Variants in ABCA1 observed in about 807,000 individuals in gnomAD.
ABCA1 encodes the protein ATP binding cassette subfamily A member 1.
In ABCA1, 133 loss-of-function variants were observed where a neutral mutation model predicts 262.5. The observed-to-expected ratio is 0.51, with a 90% CI of 0.44 to 0.59. The LOEUF (loss-of-function observed/expected upper bound fraction) is 0.59. Among genes scored for constraint, ABCA1 ranks in the 20% least tolerant of loss-of-function variants. The probability of loss-of-function intolerance (pLI) is 0.00; values close to 1 mark genes in which losing one functional copy is unlikely to be tolerated. For missense variants in ABCA1, 2,452 were observed against 2,777.5 expected (o/e 0.88, Z 2.63); for synonymous variants, 1,022 against 1,043.5 (o/e 0.98, Z 0.40).
At chr9:104,807,598 T>C (rs1830882186) in intron 30 of ABCA1, among the ~76,000 whole-genome samples, 1 of 151,936 alleles carries the variant, frequency 6.6e-6, no homozygotes, top group Non-Finnish European at 1.5e-5. Context: ...GGTGGATCAC[T>C]AAGTCAGGAG....
chr9:104,797,687 T>C (rs1305439050), intron 37 of ABCA1, among the ~76,000 whole-genome samples: 3 of 152,240 alleles, frequency 2.0e-5, no homozygotes, highest in Non-Finnish European at 1.5e-5. Context: ...TCCACCATCA[T>C]TGCTCACATT....
chr9:104,861,414 G>T (rs1836372410), intron 6 of ABCA1: 1 of 597,216 alleles, frequency 1.7e-6, no homozygotes, highest in Non-Finnish European at 3.0e-6. Flanking sequence ...CTTGTAGGAG[G>T]AAATCATCAC....
rs1362301050 is a variant in ABCA1, at chr9:104,817,074, G to GGAGT, written c.3535+257_3535+258insACTC. 6.6e-6 allele frequency among the ~76,000 whole-genome samples: 1 copy of GGAGT among 152,094 alleles called. No homozygotes were observed. Among genetic ancestry groups the GGAGT allele is most frequent in the Non-Finnish European group, 1.5e-5 (1 of 68,024 alleles). Reference sequence around the variant, plus strand: ...TGGTATTCAGTGTCCACTCCCCTAAGGGATTCCCCAAACCCCAATCATCTC... The same window carrying GGAGT: ...TGGTATTCAGTGTCCACTCCCCTAAGGAGTGGATTCCCCAAACCCCAATCATCTC... On this transcript the variant is annotated intron_variant, in intron 24 of 49. Transcript: ENST00000374736. The surrounding 1 kb of genome is among the most constrained non-coding windows in gnomAD (Gnocchi z 4.7).
At chr9:104,862,637 G>GGGCTCAGAATCA in intron 5 of ABCA1, among the ~76,000 whole-genome samples, 1 of 1,718 alleles carries the variant, frequency 5.8e-4, no homozygotes. Context: ...AGACTGCCGG[G>GGGCTCAGAATCA]CCGGGCCGGG....
intron 1 of ABCA1, among the ~76,000 whole-genome samples, chr9:104,917,890 T>G (rs867322495): frequency 6.6e-6 from 1 of 152,256 alleles, no homozygotes; most frequent in African/African-American, 2.4e-5. Flanking sequence ...ATCTTATACA[T>G]AGACTGTGAG....
In ABCA1 at chr9:104,817,722, G is replaced by A. The variant is rs1434544985; in HGVS notation, c.3463-318C>T. ...AGGCCTTTACCTGGCTACATGTCTAGTTCAATGCTTCTCATGCTTTAATGT... is the reference window on the plus strand; with the variant it reads ...AGGCCTTTACCTGGCTACATGTCTAATTCAATGCTTCTCATGCTTTAATGT... On this transcript the variant is annotated intron_variant, in intron 23 of 49. Coordinates refer to ENST00000374736, the MANE Select transcript of ABCA1 (RefSeq NM_005502.4). This position sits in a 1 kb window ranked among gnomAD's most constrained non-coding sequence, Gnocchi z 4.7. Among the ~76,000 whole-genome samples, 2 of 152,234 alleles carry A rather than the reference G, an allele frequency of 1.3e-5. No individual in the cohort carries two copies. Among genetic ancestry groups the A allele is most frequent in the Non-Finnish European group, 2.9e-5 (2 of 68,040 alleles).
chr9:104,806,385 T>C lies in ABCA1; in HGVS notation c.4320A>G (p.Pro1440=), dbSNP rs779634773. 9.3e-6 allele frequency: 15 copies of C among 1,614,048 alleles called. No individual in the cohort carries two copies. In the East Asian group the frequency reaches 2.0e-4, roughly 22 times the overall value. The part of the protein sequence containing the change: ...QAGEEEWTTA[P]VPQTIMDLFQ... ...AGAGGTCCATGATGGTCTGGGGAACTGGGGCAGTGGTCCACTCTTCCTCCC... is the reference window on the plus strand; with the variant it reads ...AGAGGTCCATGATGGTCTGGGGAACCGGGGCAGTGGTCCACTCTTCCTCCC... Residue 1440 remains proline, a synonymous_variant, in exon 31 of 50, where the codon CCA becomes CCG. Transcript: ENST00000374736.
At chr9:104,861,836 G>GT in intron 5 of ABCA1, 36 bp from the exon 6 acceptor site, 1 of 1,508,142 alleles carries the variant, frequency 6.6e-7, no homozygotes, top group South Asian at 1.2e-5. Context: ...TATTTAGTAA[G>GT]TAACTCAAAA....
intron 5 of ABCA1, among the ~76,000 whole-genome samples, chr9:104,880,210 CAG>C (rs1470529549): frequency 1.3e-5 from 2 of 152,178 alleles, no homozygotes; most frequent in African/African-American, 4.8e-5. Context: ...AGAGACAGCA[CAG>C]GAGGGCCAAG....
Position 104,833,756 on chromosome 9 carries a change from A to C in ABCA1, c.1312-985T>G, listed in dbSNP as rs59735233. ...ACCAACTAAAGTACAATCTTTTCCA[A>C]TTGCAGGATGTACAGGTCATGATGC... On this transcript the variant is annotated intron_variant, in intron 11 of 49. Transcript: ENST00000374736. Among the ~76,000 whole-genome samples the C allele has an allele frequency of 2.6e-3, 397 of 152,298 alleles. 2 individuals carry two copies. Among genetic ancestry groups the C allele is most frequent in the African/African-American group, 9.2e-3 (381 of 41,554 alleles).
chr9:104,859,219 T>C (rs182559249), intron 6 of ABCA1, among the ~76,000 whole-genome samples: 2 of 152,394 alleles, frequency 1.3e-5, no homozygotes, highest in East Asian at 3.9e-4. Flanking sequence ...CCATTTTACT[T>C]GCCCTAGAGC....
intron 5 of ABCA1, among the ~76,000 whole-genome samples, chr9:104,863,527 C>T (rs529087776): frequency 6.6e-6 from 1 of 152,296 alleles, no homozygotes; most frequent in Admixed American, 6.5e-5. Context: ...ATCCGCGGAG[C>T]TAAGAGGGTC....
At chr9:104,888,110 T>C (rs1259462119) in intron 3 of ABCA1, among the ~76,000 whole-genome samples, 1 of 150,912 alleles carries the variant, frequency 6.6e-6, no homozygotes, top group Non-Finnish European at 1.5e-5. Flanking sequence ...CTATGTGTGA[T>C]GTGCATTAGA....
chr9:104,822,647 T>G lies in ABCA1; in HGVS notation c.2677A>C (p.Thr893Pro). Residue 893 changes from threonine (T) to proline (P), a missense_variant, in exon 19 of 50, where the codon ACC becomes CCC. Physicochemically the swap from Thr to Pro is conservative, Grantham distance 38 (BLOSUM62 -1). Around this residue, in one of 4 missense-constraint regions of ABCA1, gnomAD observed 1,032 missense variants for 1,089.7 expected, o/e 0.95. Coordinates refer to ENST00000374736, the MANE Select transcript of ABCA1 (RefSeq NM_005502.4). ...ISEICMEEEP[T>P]HLKLGVSIQN... ...ATGGACACGCCCAGCTTCAAGTGGG[T>G]GGGTTCCTCCTCCATGCAGACTGTG... 6.2e-7 allele frequency: 1 copy of G among 1,614,010 alleles called. No homozygotes were observed. Among genetic ancestry groups the G allele is most frequent in the South Asian group, 1.1e-5 (1 of 91,062 alleles).
chr9:104,863,969 A>G (rs1836850324), intron 5 of ABCA1, among the ~76,000 whole-genome samples: 3 of 152,356 alleles, frequency 2.0e-5, no homozygotes, highest in Admixed American at 1.3e-4. Flanking sequence ...TAGAGTGCAG[A>G]GCCTACAAAT....
chr9:104,850,097 G>C (rs1399546744), intron 7 of ABCA1, among the ~76,000 whole-genome samples: 3 of 150,716 alleles, frequency 2.0e-5, no homozygotes, highest in Non-Finnish European at 4.4e-5. Flanking sequence ...CAAAATGATG[G>C]ATGATGGTAC....
chr9:104,817,130 C>T lies in ABCA1; in HGVS notation c.3535+202G>A. 1 of 869,150 alleles carries T rather than the reference C, an allele frequency of 1.2e-6. No individual in the cohort carries two copies. Among genetic ancestry groups the T allele is most frequent in the Non-Finnish European group, 1.4e-6 (1 of 724,220 alleles). 53.8% of individuals were successfully genotyped at this position (869,150 alleles called of 1,614,324 possible). On this transcript the variant is annotated intron_variant, in intron 24 of 49. Transcript: ENST00000374736. The surrounding 1 kb of genome is among the most constrained non-coding windows in gnomAD (Gnocchi z 4.7). ...TCTGGGACACTGCCCTGCTAGCTCCCAAACCGAGCCCCAGGCACCCCAGCA... is the reference window on the plus strand; with the variant it reads ...TCTGGGACACTGCCCTGCTAGCTCCTAAACCGAGCCCCAGGCACCCCAGCA...
intron 37 of ABCA1, among the ~76,000 whole-genome samples, chr9:104,797,943 A>T (rs1830039063): frequency 6.6e-6 from 1 of 152,198 alleles, no homozygotes; most frequent in Non-Finnish European, 1.5e-5. Flanking sequence ...AATCCCCCAT[A>T]TTGGTCCAAA....
intron 7 of ABCA1, among the ~76,000 whole-genome samples, chr9:104,856,656 G>A (rs927454473): frequency 7.9e-5 from 12 of 152,112 alleles, no homozygotes; most frequent in South Asian, 2.1e-4. Flanking sequence ...GGATTTTACC[G>A]GGTTGTGTAC....
Sources: allele counts gnomAD v4.1 joint callset (sites outside exome capture counted in the v4.1 genomes callset), GRCh38; gene constraint gnomAD v4.1.1; regional missense constraint gnomAD v4.1.1; non-coding constraint Gnocchi (gnomAD v3.1); transcripts MANE v1.5; gene names NCBI Gene and HGNC (gene_info 2026-07-23, HGNC 2026-07-21).